ZNF726: variants seen among roughly 807,000 people sequenced by gnomAD.
ZNF726 encodes zinc finger protein 726, also known as zinc finger protein 92 pseudogene 3.
ZNF726 carries 15 observed loss-of-function variants against 11.6 expected under a neutral mutation model. That is an observed-to-expected ratio of 1.29 (90% CI 0.86 to 1.99). ZNF726 has a LOEUF of 1.99. Among genes scored for constraint, ZNF726 ranks in the 30% most tolerant of loss-of-function variants. ZNF726 has a pLI of 0.00. For synonymous variants in ZNF726, 295 were observed against 243.6 expected, an observed-to-expected ratio of 1.21 and a Z score of -1.96; for missense variants, 890 against 725.6, an observed-to-expected ratio of 1.23 and a Z score of -2.60.
Position 23,933,358 on chromosome 19 carries a change from A to G in ZNF726, c.1242A>G (p.Lys414=), listed in dbSNP as rs1158219318. 2 of 1,613,112 alleles carry G rather than the reference A, an allele frequency of 1.2e-6. No homozygotes were observed. Among genetic ancestry groups the G allele is most frequent in the South Asian group, 2.2e-5 (2 of 91,028 alleles). ...KAFHRSSNLT[K]HKIIHTGEKP... ...TTCATCGATCCTCAAATCTTACTAA[A>G]CATAAGATAATTCATACTGGAGAGA... The change falls in exon 4 of 4, where the codon AAA becomes AAG. Residue 414 remains lysine, a synonymous_variant. Transcript: ENST00000594466.
At chr19:23,918,550 G>C (rs912737617) in intron 1 of ZNF726, among the ~76,000 whole-genome samples, 2 of 152,160 alleles carry the variant, frequency 1.3e-5, no homozygotes, top group African/African-American at 4.8e-5. Flanking sequence ...TAATACCTCA[G>C]TAGTGATGCT....
chr19:23,931,654 A>G (rs1026426009), intron 3 of ZNF726, among the ~76,000 whole-genome samples: 7 of 152,148 alleles, frequency 4.6e-5, no homozygotes, highest in Non-Finnish European at 7.4e-5. Flanking sequence ...TCTGAAAACA[A>G]TTGTCTTGGC....
In ZNF726 at chr19:23,919,993, CT is replaced by C. The variant is rs2144961548; in HGVS notation, c.138del (p.Val47SerfsTer19). The C allele has an allele frequency of 6.4e-7, 1 of 1,572,692 alleles. No homozygotes were observed. Among genetic ancestry groups the C allele is most frequent in the East Asian group, 2.3e-5 (1 of 42,842 alleles). On this transcript the variant is annotated frameshift_variant, in exon 3 of 4. Coordinates refer to ENST00000594466, the MANE Select transcript of ZNF726 (RefSeq NM_001244038.2). LOFTEE classifies it high-confidence loss of function. ...ATTATTTTTAATAAAACAGGTATTG[CT>C]GTCTCTAAGCCAGACCTCATCATCT... ...NYRNLAFLGIAVSKPDLIICL... is the reference protein window; with the variant it reads ...NYRNLAFLGIXVSKPDLIICL...
At chr19:23,939,635 C>A (rs566691583) in intron 3 of ZNF726, among the ~76,000 whole-genome samples, 1 of 152,210 alleles carries the variant, frequency 6.6e-6, no homozygotes, top group African/African-American at 2.4e-5. Context: ...TTTAGATTTC[C>A]ACTAGAAGTG....
At chr19:23,924,022 C>T (rs1967922249) in intron 3 of ZNF726, 1 of 149,422 alleles carries the variant, frequency 6.7e-6, no homozygotes. Flanking sequence ...TTGGTTATAC[C>T]TTGTATATAT....
intron 1 of ZNF726, among the ~76,000 whole-genome samples, chr19:23,918,573 C>A (rs975707316): frequency 6.6e-6 from 1 of 152,174 alleles, no homozygotes; most frequent in Non-Finnish European, 1.5e-5. Flanking sequence ...GTCCTGCGTG[C>A]ATCAGCACAC....
At chr19:23,929,129 G>A (rs1272253541) in intron 3 of ZNF726, 1 of 151,998 alleles carries the variant, frequency 6.6e-6, no homozygotes, top group Admixed American at 6.6e-5. Context: ...TAAAAATGAA[G>A]TTACTACTTT....
rs780877643 is a variant in ZNF726, at chr19:23,932,387, G to A, written c.271G>A (p.Val91Met). The A allele has an allele frequency of 1.7e-5, 26 of 1,509,136 alleles. No individual in the cohort carries two copies. The highest frequency in any genetic ancestry group is 8.4e-5 in the African/African-American group (6 of 71,130). The allele number at this position is 1,509,136 out of a possible 1,614,324, so 93.5% of individuals were successfully genotyped here. The change falls in exon 4 of 4, where the codon GTG (valine) becomes ATG (methionine). Residue 91 changes from valine (V) to methionine (M), a missense_variant. Val to Met is a conservative substitution (Grantham distance 21, BLOSUM62 1). Coordinates refer to ENST00000594466, the MANE Select transcript of ZNF726 (RefSeq NM_001244038.2). Reference protein sequence around the residue: ...FAQDIWPEQGVEDSFQKVILR... With the variant: ...FAQDIWPEQGMEDSFQKVILR... The stretch of plus-strand genomic sequence containing the variant: ...TCAAGACATTTGGCCAGAGCAGGGC[G>A]TGGAAGATTCTTTTCAAAAAGTAAT...
At chr19:23,932,047 C>T (rs2144987357) in intron 3 of ZNF726, among the ~76,000 whole-genome samples, 1 of 152,260 alleles carries the variant, frequency 6.6e-6, no homozygotes, top group South Asian at 2.1e-4. Flanking sequence ...TAGTGGGAAG[C>T]AGGAAAAGCT....
At chr19:23,919,263 T>A in intron 1 of ZNF726, 110 bp from the exon 2 acceptor site, 1 of 1,510,742 alleles carries the variant, frequency 6.6e-7, no homozygotes, top group Non-Finnish European at 8.9e-7. Context: ...TTTCAGTCCC[T>A]CTTATAAGTT....
At chr19:23,920,150 T>C in intron 3 of ZNF726, 68 bp downstream of exon 3, 4 of 1,159,902 alleles carry the variant, frequency 3.4e-6, no homozygotes, top group Non-Finnish European at 4.9e-6. Flanking sequence ...AGCCAGTCTT[T>C]AAAGTGATTT....
intron 3 of ZNF726, among the ~76,000 whole-genome samples, chr19:23,931,305 C>A (rs1041976003): frequency 4.6e-5 from 7 of 152,168 alleles, no homozygotes; most frequent in African/African-American, 1.7e-4. Context: ...ATTTTTACAT[C>A]ATTTTTTCTA....
chr19:23,918,178 G>A (rs1455265941), intron 1 of ZNF726, among the ~76,000 whole-genome samples: 2 of 152,174 alleles, frequency 1.3e-5, no homozygotes, highest in Admixed American at 6.5e-5. Context: ...AAGAACTGGC[G>A]AGAAGGTTGT....
At chr19:23,917,173 A>T (rs1321242030) in intron 1 of ZNF726, among the ~76,000 whole-genome samples, 4 of 152,148 alleles carry the variant, frequency 2.6e-5, no homozygotes, top group Non-Finnish European at 4.4e-5. Flanking sequence ...CTGGTGTCAA[A>T]CTTCTGGCCT....
At chr19:23,917,558 T>G (rs1967733679) in intron 1 of ZNF726, among the ~76,000 whole-genome samples, 1 of 152,106 alleles carries the variant, frequency 6.6e-6, no homozygotes, top group African/African-American at 2.4e-5. Context: ...CCAAAAAATG[T>G]GGTAGATAAT....
downstream of ZNF726, among the ~76,000 whole-genome samples, chr19:23,938,998 GGGTACA>G (rs1259464554): frequency 6.6e-6 from 1 of 151,862 alleles, no homozygotes; most frequent in Non-Finnish European, 1.5e-5. Context: ...CCATTTATTG[GGGTACA>G]GGTGGTGTTT....
Position 23,933,023 on chromosome 19 carries a change from C to G in ZNF726, c.907C>G (p.His303Asp), listed in dbSNP as rs746958683. Residue 303 changes from histidine (H) to aspartate (D), a missense_variant, in exon 4 of 4, where the codon CAT becomes GAT. Coordinates refer to ENST00000594466, the MANE Select transcript of ZNF726 (RefSeq NM_001244038.2). Reference protein sequence around the residue: ...AFSQPSALTIHKRMHIGEKPY... With the variant: ...AFSQPSALTIDKRMHIGEKPY... ...TAGCCAACCCTCAGCACTAACCATA[C>G]ATAAGAGGATGCACATTGGAGAGAA... 2 of 1,613,048 alleles carry G rather than the reference C, an allele frequency of 1.2e-6. No individual in the cohort carries two copies. The highest frequency in any genetic ancestry group is 2.7e-5 in the African/African-American group (2 of 74,872).
rs1283292692 is a variant in ZNF726 at position 23,932,702 on chromosome 19, A to T, written c.586A>T (p.Thr196Ser). The T allele has an allele frequency of 1.2e-6, 2 of 1,604,048 alleles. No homozygotes were observed. Among genetic ancestry groups the T allele is most frequent in the East Asian group, 4.5e-5 (2 of 44,822 alleles). ...CAAAACCCAGCATAAAAGCATATAT[A>T]CTACAGAGAAGTCCTACAAATGTAA... The part of the protein sequence containing the change: ...SHKTQHKSIY[T>S]TEKSYKCKEC... Residue 196 changes from threonine to serine, a missense_variant, in exon 4 of 4, where the codon ACT becomes TCT. By Grantham distance (58) the Thr-to-Ser change is moderately conservative (BLOSUM62 1). Transcript: ENST00000594466.
At chr19:23,942,486 G>A (rs1968353703) in intron 3 of ZNF726, among the ~76,000 whole-genome samples, 2 of 152,146 alleles carry the variant, frequency 1.3e-5, no homozygotes, top group South Asian at 4.1e-4. Flanking sequence ...ATGTGTTCCG[G>A]GGTATAGTTA....
Sources: gnomAD v4.1 joint callset for allele counts (sites outside exome capture counted in the v4.1 genomes callset) on GRCh38, gnomAD v4.1.1 for gene constraint, MANE v1.5 for transcripts, NCBI Gene and HGNC (gene_info 2026-07-23, HGNC 2026-07-21) for gene names.